HYCC1: variants seen among roughly 807,000 people sequenced by gnomAD.
HYCC1 encodes hyccin PI4KA lipid kinase complex subunit 1.
the HYCC1 span, among the ~76,000 whole-genome samples, chr7:22,906,577 CAAA>C: frequency 8.4e-6 from 1 of 119,096 alleles, no homozygotes. Context: ...GACTCGGTCT[CAAA>C]AAAAAAAAAA....
chr7:22,957,988 T>C, the HYCC1 span, among the ~76,000 whole-genome samples: 60 of 151,484 alleles, frequency 4.0e-4, no homozygotes, highest in African/African-American at 1.2e-3. Context: ...AATTAAAAAA[T>C]CTATAATTTG....
the HYCC1 span, among the ~76,000 whole-genome samples, chr7:22,896,778 G>A: frequency 6.6e-6 from 1 of 152,256 alleles, no homozygotes; most frequent in South Asian, 2.1e-4. Flanking sequence ...AGTTCAGAGT[G>A]TAAATCACCC....
At chr7:22,947,159 G>A in the HYCC1 span, 38 of 1,550,022 alleles carry the variant, frequency 2.5e-5, no homozygotes, top group South Asian at 1.3e-4. Context: ...CCCCATTCCC[G>A]GTTCTCTCTC....
At chr7:22,950,990 C>T in the HYCC1 span, among the ~76,000 whole-genome samples, 2 of 151,480 alleles carry the variant, frequency 1.3e-5, no homozygotes, top group African/African-American at 4.8e-5. Context: ...TTTGTGTAAC[C>T]CCCTATATGC....
chr7:22,907,864 AT>A, the HYCC1 span, among the ~76,000 whole-genome samples: 1 of 152,204 alleles, frequency 6.6e-6, no homozygotes, highest in Non-Finnish European at 1.5e-5. Context: ...GTGAGCTGAG[AT>A]CACACCACTG....
At chr7:22,947,497 C>A in the HYCC1 span, among the ~76,000 whole-genome samples, 8 of 152,004 alleles carry the variant, frequency 5.3e-5, no homozygotes, top group African/African-American at 1.9e-4. Context: ...CATTTTTTCA[C>A]ACACACATTT....
At chr7:22,915,788 C>G in the HYCC1 span, among the ~76,000 whole-genome samples, 1 of 152,252 alleles carries the variant, frequency 6.6e-6, no homozygotes, top group South Asian at 2.1e-4. Flanking sequence ...CTTAAAACTC[C>G]CCAACTCTGG....
chr7:23,009,765 A>G, the HYCC1 span, among the ~76,000 whole-genome samples: 1 of 152,190 alleles, frequency 6.6e-6, no homozygotes, highest in African/African-American at 2.4e-5. Flanking sequence ...TTTAGGAGAC[A>G]GAGGAATGAT....
chr7:22,935,348 T>A, the HYCC1 span: 2 of 152,194 alleles, frequency 1.3e-5, no homozygotes, highest in Non-Finnish European at 2.9e-5. Context: ...AGGGGATCAT[T>A]TTTAATCTGA....
the HYCC1 span, among the ~76,000 whole-genome samples, chr7:22,992,391 C>G: frequency 2.6e-5 from 4 of 151,912 alleles, no homozygotes; most frequent in African/African-American, 9.7e-5. Flanking sequence ...TAACAGAAAA[C>G]CACATATATG....
At chr7:22,927,082 A>G in the HYCC1 span, among the ~76,000 whole-genome samples, 1 of 152,238 alleles carries the variant, frequency 6.6e-6, no homozygotes, top group African/African-American at 2.4e-5. Context: ...CTGAATGACT[A>G]CTGGATACAT....
the HYCC1 span, among the ~76,000 whole-genome samples, chr7:22,909,903 C>A: frequency 6.6e-6 from 1 of 152,218 alleles, no homozygotes; most frequent in Non-Finnish European, 1.5e-5. Flanking sequence ...CACAAATAAT[C>A]ATGACCCTCA....
chr7:22,977,631 A>G, the HYCC1 span, among the ~76,000 whole-genome samples: 1 of 152,182 alleles, frequency 6.6e-6, no homozygotes, highest in Admixed American at 6.6e-5. Flanking sequence ...ATATGTAACA[A>G]ATTTTCAGGA....
At chr7:23,005,830 AATCT>A in the HYCC1 span, among the ~76,000 whole-genome samples, 1 of 152,000 alleles carries the variant, frequency 6.6e-6, no homozygotes, top group Non-Finnish European at 1.5e-5. Context: ...TTTCTCCAAC[AATCT>A]ATTTGATTTA....
At chr7:22,945,897 G>A in the HYCC1 span, 1 of 1,613,764 alleles carries the variant, frequency 6.2e-7, no homozygotes, top group African/African-American at 1.3e-5. Context: ...AAAGAGAGAA[G>A]CTCAAGATTC....
the HYCC1 span, among the ~76,000 whole-genome samples, chr7:23,005,657 C>A: frequency 6.6e-6 from 1 of 152,192 alleles, no homozygotes; most frequent in African/African-American, 2.4e-5. Flanking sequence ...CATCTACTCT[C>A]CATGACCTTA....
chr7:23,003,513 C>A, the HYCC1 span, among the ~76,000 whole-genome samples: 1 of 152,178 alleles, frequency 6.6e-6, no homozygotes, highest in Admixed American at 6.5e-5. Context: ...AATCATTTTG[C>A]TATCAATAAC....
the HYCC1 span, among the ~76,000 whole-genome samples, chr7:22,997,562 T>C: frequency 2.0e-5 from 3 of 152,174 alleles, no homozygotes; most frequent in Non-Finnish European, 4.4e-5. Context: ...TGGAGAGAAA[T>C]GTTCAGATTA....
the HYCC1 span, among the ~76,000 whole-genome samples, chr7:22,984,835 C>T: frequency 1.5e-3 from 236 of 152,258 alleles, no homozygotes; most frequent in African/African-American, 5.5e-3. Context: ...ATCCACACTA[C>T]CAACAAACGA....
Sources: allele counts gnomAD v4.1 joint callset (sites outside exome capture counted in the v4.1 genomes callset), GRCh38; gene constraint gnomAD v4.1.1; transcripts MANE v1.5; gene names NCBI Gene and HGNC (gene_info 2026-07-23, HGNC 2026-07-21).